Variants in FERMT2 observed in about 807,000 individuals in gnomAD.
The protein encoded by FERMT2 is FERM domain containing kindlin 2, also known as fermitin family homolog 2.
FERMT2 carries 15 observed loss-of-function variants against 82.7 expected under a neutral mutation model. The observed-to-expected ratio is 0.18, with a 90% CI of 0.12 to 0.28. The LOEUF (loss-of-function observed/expected upper bound fraction) is 0.28, where lower values mean the gene tolerates loss of function less well. Among genes scored for constraint, FERMT2 ranks in the 10% least tolerant of loss-of-function variants. The pLI, the probability that FERMT2 is intolerant of heterozygous loss-of-function variation, is 1.00. For synonymous variants in FERMT2, 274 were observed against 271.5 expected (o/e 1.01, Z -0.09); for missense variants, 645 against 809.4 (o/e 0.80, Z 2.46).
chr14:52,889,253 G>A (rs1338572559), intron 4 of FERMT2, among the ~76,000 whole-genome samples: 12 of 152,136 alleles, frequency 7.9e-5, no homozygotes, highest in African/African-American at 2.7e-4. Context: ...TAATAGCAAC[G>A]TTTTAATAAA....
At position 52,864,580 on chromosome 14, in the gene FERMT2, A is replaced by G; in HGVS notation, c.1423T>C (p.Ser475Pro). Reference sequence around the variant, plus strand: ...CTGTCCGCCATGGTCTTGCCTTTGGAGGCTAATCTGCAGGCTGCCATCCAG... The same window carrying G: ...CTGTCCGCCATGGTCTTGCCTTTGGGGGCTAATCTGCAGGCTGCCATCCAG... ...AHWMAACRLASKGKTMADSSY... is the reference protein window; with the variant it reads ...AHWMAACRLAPKGKTMADSSY... The change falls in exon 12 of 15, where the codon TCC becomes CCC. Residue 475 changes from serine to proline, a missense_variant. Physicochemically the swap from Ser to Pro is moderately conservative, Grantham distance 74. Coordinates refer to ENST00000341590, the MANE Select transcript of FERMT2 (RefSeq NM_006832.3). 1 of 1,614,186 alleles carries G rather than the reference A, an allele frequency of 6.2e-7. No homozygotes were observed. Among genetic ancestry groups the G allele is most frequent in the Non-Finnish European group, 8.5e-7 (1 of 1,180,026 alleles).
rs533523201 is a variant in FERMT2, at chr14:52,895,675, C to T, written c.392-2248G>A. ...CAATTTGCTGGTAGCTGAAGTTTGA[C>T]AGGTGACAGAAATATTCTGAATCTT... On this transcript the variant is annotated intron_variant, in intron 3 of 14. Coordinates refer to ENST00000341590, the MANE Select transcript of FERMT2 (RefSeq NM_006832.3). 2.6e-5 allele frequency among the ~76,000 whole-genome samples: 4 copies of T among 152,250 alleles called. No homozygotes were observed. In the East Asian group the frequency reaches 7.7e-4, roughly 29 times the overall value.
chr14:52,928,553 A>C (rs1889409585), intron 2 of FERMT2: 1 of 152,192 alleles, frequency 6.6e-6, no homozygotes, highest in Non-Finnish European at 1.5e-5. Context: ...TGCTCATACC[A>C]TTTACCTATA....
At chr14:52,950,274 G>GA in intron 2 of FERMT2, 138 bp downstream of exon 2, 1 of 824,980 alleles carries the variant, frequency 1.2e-6, no homozygotes, top group Non-Finnish European at 2.0e-6. Flanking sequence ...CTTAAATACT[G>GA]AAAGATTTTA....
chr14:52,932,032 A>G (rs60609189), intron 2 of FERMT2, among the ~76,000 whole-genome samples: 4,223 of 152,372 alleles, frequency 0.028, 411 homozygotes, highest in East Asian at 0.26. Context: ...CCGTCTCAAA[A>G]AAGAAAAAGA....
intron 2 of FERMT2, among the ~76,000 whole-genome samples, chr14:52,945,623 T>C (rs1237389543): frequency 6.6e-6 from 1 of 150,674 alleles, no homozygotes; most frequent in East Asian, 1.9e-4. Flanking sequence ...CCAATTTGCA[T>C]TTTTTTCCCT....
chr14:52,949,495 T>C (rs140093292), intron 2 of FERMT2, among the ~76,000 whole-genome samples: 260 of 151,140 alleles, frequency 1.7e-3, no homozygotes, highest in South Asian at 4.0e-3. Flanking sequence ...GATAATCATC[T>C]TATCACAACT....
At chr14:52,950,704 C>G in intron 1 of FERMT2, 127 bp from the exon 2 acceptor site, 2 of 911,962 alleles carry the variant, frequency 2.2e-6, no homozygotes, top group Non-Finnish European at 3.3e-6. Flanking sequence ...GGCAGAAACT[C>G]GGGAGGGCGG....
At chr14:52,896,244 A>G (rs938828291) in intron 3 of FERMT2, among the ~76,000 whole-genome samples, 1 of 152,200 alleles carries the variant, frequency 6.6e-6, no homozygotes, top group Admixed American at 6.5e-5. Flanking sequence ...GCACTATACT[A>G]TATGTCAGAG....
Position 52,881,278 on chromosome 14 carries a change from G to C in FERMT2, c.718C>G (p.Gln240Glu). 1 of 1,614,082 alleles carries C rather than the reference G, an allele frequency of 6.2e-7. No individual in the cohort carries two copies. The change falls in exon 5 of 15, where the codon CAA (glutamine) becomes GAA (glutamate). Residue 240 changes from glutamine to glutamate, a missense_variant. Coordinates refer to ENST00000341590, the MANE Select transcript of FERMT2 (RefSeq NM_006832.3). The stretch of plus-strand genomic sequence containing the variant: ...ATTTTTGCTTTATCAAGAAGAGCTT[G>C]AGGCTTGAACATTTTTGCCAAGATT... Reference protein sequence around the residue: ...PEILAKMFKPQALLDKAKINQ... With the variant: ...PEILAKMFKPEALLDKAKINQ...
At chr14:52,876,147 C>T (rs1885947666) in intron 7 of FERMT2, among the ~76,000 whole-genome samples, 1 of 152,182 alleles carries the variant, frequency 6.6e-6, no homozygotes, top group Non-Finnish European at 1.5e-5. Flanking sequence ...CTCCAAATGT[C>T]TAAAGTATTC....
intron 3 of FERMT2, among the ~76,000 whole-genome samples, chr14:52,895,222 A>C (rs1439226513): frequency 1.3e-5 from 2 of 152,256 alleles, no homozygotes; most frequent in Non-Finnish European, 2.9e-5. Context: ...AGTGTCAGTG[A>C]GGATGTGAAG....
chr14:52,947,712 G>GATGA (rs1890426129), intron 2 of FERMT2, among the ~76,000 whole-genome samples: 1 of 152,142 alleles, frequency 6.6e-6, no homozygotes, highest in South Asian at 2.1e-4. Flanking sequence ...CTAGCTTCAA[G>GATGA]ATGAACCTGA....
intron 10 of FERMT2, among the ~76,000 whole-genome samples, chr14:52,866,315 C>T (rs1885276030): frequency 6.6e-6 from 1 of 152,168 alleles, no homozygotes; most frequent in African/African-American, 2.4e-5. Flanking sequence ...GAAATGCAAA[C>T]AGCCAATTCT....
At chr14:52,932,187 G>C (rs1039387831) in intron 2 of FERMT2, among the ~76,000 whole-genome samples, 6 of 152,336 alleles carry the variant, frequency 3.9e-5, no homozygotes, top group African/African-American at 1.4e-4. Context: ...TTTGACTCTA[G>C]ATGAGTGTGA....
intron 10 of FERMT2, among the ~76,000 whole-genome samples, chr14:52,865,833 C>CT (rs1305261232): frequency 6.6e-6 from 1 of 152,160 alleles, no homozygotes. Flanking sequence ...AAAAAGAACA[C>CT]TTTAGATAAA....
intron 4 of FERMT2, among the ~76,000 whole-genome samples, chr14:52,887,230 C>G (rs1407034780): frequency 1.3e-5 from 2 of 151,902 alleles, no homozygotes; most frequent in East Asian, 3.9e-4. Context: ...CCCCACCTCC[C>G]GGGTTCAAGT....
rs772096782 is a variant in FERMT2 at position 52,950,471 on chromosome 14, A to G, written c.98T>C (p.Leu33Pro). Residue 33 changes from leucine to proline, a missense_variant, in exon 2 of 15, where the codon CTG (leucine) becomes CCG (proline). Physicochemically the swap from Leu to Pro is moderately conservative, Grantham distance 98. Coordinates refer to ENST00000341590, the MANE Select transcript of FERMT2 (RefSeq NM_006832.3). ...HVTDLNRDVT[L>P]RVTGEVHIGG... Reference sequence around the variant, plus strand: ...AATGTGCACCTCGCCGGTCACTCTCAGGGTGACATCGCGGTTCAGGTCCGT... The same window carrying G: ...AATGTGCACCTCGCCGGTCACTCTCGGGGTGACATCGCGGTTCAGGTCCGT... 1.9e-6 allele frequency: 3 copies of G among 1,613,500 alleles called. No homozygotes were observed. In the Admixed American group the frequency reaches 5.0e-5, roughly 27 times the overall value.
rs756902365 is a variant in FERMT2, at chr14:52,877,575, T to TTTAA, written c.963+1006_963+1007insTTAA. ...TAAGGTGAAAATTAGCTGTTCTTGCTTTTTTTTTTTTTTTTTTTTTTTTGC... is the reference window on the plus strand; with the variant it reads ...TAAGGTGAAAATTAGCTGTTCTTGCTTTAATTTTTTTTTTTTTTTTTTTTTTTGC... On this transcript the variant is annotated intron_variant, in intron 7 of 14. Transcript: ENST00000341590. Among the ~76,000 whole-genome samples, 2 of 12,848 alleles carry TTTAA rather than the reference T, an allele frequency of 1.6e-4. 1 individual carries two copies. Among genetic ancestry groups the TTTAA allele is most frequent in the African/African-American group, 5.1e-4 (2 of 3,920 alleles). The allele number at this position is 12,848 out of a possible 152,430, so 8.4% of individuals were successfully genotyped here.
Sources: gnomAD v4.1 joint callset for allele counts (sites outside exome capture counted in the v4.1 genomes callset) on GRCh38, gnomAD v4.1.1 for gene constraint, MANE v1.5 for transcripts, NCBI Gene and HGNC (gene_info 2026-07-23, HGNC 2026-07-21) for gene names.